The following GCNT2 variants were observed in gnomAD, a reference collection of about 807,000 sequenced individuals.
The protein encoded by GCNT2 is glucosaminyl (N-acetyl) transferase 2 (I blood group).
GCNT2 carries 34 observed loss-of-function variants against 34.2 expected under a neutral mutation model. The observed-to-expected ratio is 1.00, with a 90% CI of 0.76 to 1.32. GCNT2 has a LOEUF of 1.32. Among genes scored for constraint, GCNT2 ranks in the 40% most tolerant of loss-of-function variants. The pLI is 0.00. For missense variants in GCNT2, 584 were observed against 489.4 expected (o/e 1.19, Z -1.82); for synonymous variants, 212 against 188.0 (o/e 1.13, Z -1.04).
chr6:10,535,009 C>T (rs506355), intron 3 of GCNT2, among the ~76,000 whole-genome samples: 11,569 of 152,158 alleles, frequency 0.076, 489 homozygotes, highest in Middle Eastern at 0.13. Context: ...CATGATGAAA[C>T]CCCGTTTCTA....
intron 3 of GCNT2, among the ~76,000 whole-genome samples, chr6:10,569,050 T>C (rs981818351): frequency 2.0e-5 from 3 of 152,140 alleles, no homozygotes; most frequent in African/African-American, 7.2e-5. Flanking sequence ...TAGACTATAA[T>C]GTCTTTGAGG....
chr6:10,557,119 A>G, intron 3 of GCNT2: 2 of 1,559,538 alleles, frequency 1.3e-6, no homozygotes, highest in East Asian at 2.2e-5. Context: ...ATGTCCACCA[A>G]GAGCACCTGG....
intron 4 of GCNT2, among the ~76,000 whole-genome samples, chr6:10,624,990 T>A (rs866682171): frequency 3.3e-5 from 5 of 152,356 alleles, no homozygotes; most frequent in Middle Eastern, 3.4e-3. Context: ...CACTTCCATT[T>A]CTTTAAGCGT....
chr6:10,559,477 G>A (rs895155406), intron 3 of GCNT2, among the ~76,000 whole-genome samples: 1 of 152,216 alleles, frequency 6.6e-6, no homozygotes, highest in African/African-American at 2.4e-5. Context: ...AATCTCTCCA[G>A]CTACAAAATG....
intron 3 of GCNT2, among the ~76,000 whole-genome samples, chr6:10,555,316 T>G (rs1022905640): frequency 1.3e-5 from 2 of 152,124 alleles, no homozygotes; most frequent in South Asian, 4.1e-4. Flanking sequence ...ATGAGAACTT[T>G]CCAAGTAAAA....
Position 10,551,680 on chromosome 6 carries a change from T to C in GCNT2, c.925+21844T>C, listed in dbSNP as rs562728375. 3.3e-5 allele frequency among the ~76,000 whole-genome samples: 5 copies of C among 151,884 alleles called. No individual in the cohort carries two copies. The East Asian group carries it at 9.7e-4, about 30-fold the overall frequency. On this transcript the variant is annotated intron_variant, in intron 3 of 4. Transcript: ENST00000495262. Reference sequence around the variant, plus strand: ...GGCTGGTCTTGAACTCCTGACCTCGTGATCCACCTGCCTTGGCCTCCCAAA... The same window carrying C: ...GGCTGGTCTTGAACTCCTGACCTCGCGATCCACCTGCCTTGGCCTCCCAAA...
chr6:10,527,898 C>T (rs896863009), intron 2 of GCNT2, among the ~76,000 whole-genome samples: 9 of 152,030 alleles, frequency 5.9e-5, no homozygotes, highest in African/African-American at 1.9e-4. Flanking sequence ...TCCTTTAAAG[C>T]ATTTGTAAAT....
intron 3 of GCNT2, among the ~76,000 whole-genome samples, chr6:10,582,209 A>G (rs1280842600): frequency 1.6e-5 from 2 of 127,394 alleles, no homozygotes; most frequent in African/African-American, 6.0e-5. Context: ...TATAAAATTT[A>G]TTATATATAT....
At position 10,589,793 on chromosome 6, in the gene GCNT2, T is replaced by A. The variant is rs184216045; in HGVS notation, c.926-31558T>A. Among the ~76,000 whole-genome samples the A allele has an allele frequency of 3.3e-5, 5 of 152,326 alleles. No homozygotes were observed. In the East Asian group the frequency reaches 9.6e-4, roughly 29 times the overall value. On this transcript the variant is annotated intron_variant, in intron 3 of 4. Transcript: ENST00000495262. ...CGTGGAGAACATTACATATGGACTT[T>A]AAGTTCACTACAGATATACTCAGAA... is the stretch of plus-strand genomic sequence containing the variant.
chr6:10,624,423 A>G (rs920569927), intron 4 of GCNT2, among the ~76,000 whole-genome samples: 2 of 152,068 alleles, frequency 1.3e-5, no homozygotes, highest in African/African-American at 2.4e-5. Flanking sequence ...TTATAAAACC[A>G]TCAGATCTTG....
intron 3 of GCNT2, among the ~76,000 whole-genome samples, chr6:10,568,053 T>A (rs1284345168): frequency 2.6e-5 from 4 of 152,194 alleles, no homozygotes; most frequent in African/African-American, 9.7e-5. Flanking sequence ...GAGAAATGTT[T>A]TCAGGAAACA....
intron 3 of GCNT2, among the ~76,000 whole-genome samples, chr6:10,609,999 T>C (rs768907716): frequency 2.6e-5 from 4 of 152,156 alleles, no homozygotes; most frequent in Non-Finnish European, 5.9e-5. Context: ...GTGCTGATTA[T>C]AGGAAGAGCC....
chr6:10,590,957 C>T (rs946503536), intron 3 of GCNT2, among the ~76,000 whole-genome samples: 1 of 152,114 alleles, frequency 6.6e-6, no homozygotes, highest in Middle Eastern at 3.2e-3. Flanking sequence ...TTATGTCTAA[C>T]TCTGTCTAAC....
intron 3 of GCNT2, among the ~76,000 whole-genome samples, chr6:10,608,073 CT>C (rs576372819): frequency 0.03 from 3,791 of 124,724 alleles, 93 homozygotes; most frequent in African/African-American, 0.099. Context: ...ATGGTATGCA[CT>C]TTTTTTTTTT....
rs904748859 is a variant in GCNT2 at position 10,556,050 on chromosome 6, G to A, written c.925+26214G>A. 3.3e-5 allele frequency: 38 copies of A among 1,149,954 alleles called. No individual in the cohort carries two copies. The East Asian group carries it at 1.3e-3, about 40-fold the overall frequency. 71.2% of individuals were successfully genotyped at this position (1,149,954 alleles called of 1,614,324 possible). The stretch of plus-strand genomic sequence containing the variant: ...ATGGCAGTAACCAGGGGGCGGGGGT[G>A]GCATGGGAAATGAAAGAAAGAGATA... On this transcript the variant is annotated intron_variant, in intron 3 of 4. Coordinates refer to ENST00000495262, the MANE Select transcript of GCNT2 (RefSeq NM_145649.5).
intron 3 of GCNT2, among the ~76,000 whole-genome samples, chr6:10,569,100 G>A (rs990572922): frequency 6.6e-6 from 1 of 151,988 alleles, no homozygotes; most frequent in Admixed American, 6.6e-5. Flanking sequence ...TGAGCATTCA[G>A]TGGGCTGACA....
chr6:10,575,918 T>A, intron 3 of GCNT2, among the ~76,000 whole-genome samples: 1 of 149,958 alleles, frequency 6.7e-6, no homozygotes, highest in Middle Eastern at 3.2e-3. Flanking sequence ...CCTACCCAAA[T>A]CTTATAAAAC....
intron 3 of GCNT2, among the ~76,000 whole-genome samples, chr6:10,539,484 C>T (rs766186694): frequency 2.1e-4 from 32 of 152,100 alleles, no homozygotes; most frequent in Non-Finnish European, 2.6e-4. Context: ...CCACTGCGCC[C>T]GGCCCCGCCA....
intron 3 of GCNT2, among the ~76,000 whole-genome samples, chr6:10,611,997 G>GT (rs1561836790): frequency 2.6e-5 from 4 of 151,302 alleles, no homozygotes; most frequent in African/African-American, 7.3e-5. Flanking sequence ...TTGTTTGCTT[G>GT]TTTTTTTGAT....
Sources: gnomAD v4.1 joint callset for allele counts (sites outside exome capture counted in the v4.1 genomes callset) on GRCh38, gnomAD v4.1.1 for gene constraint, MANE v1.5 for transcripts, NCBI Gene and HGNC (gene_info 2026-07-23, HGNC 2026-07-21) for gene names.